Variants in UNC13B observed in about 807,000 individuals in gnomAD.
UNC13B encodes protein unc-13 homolog B.
UNC13B carries 144 observed loss-of-function variants against 211.0 expected under a neutral mutation model. The observed-to-expected ratio is 0.68, with a 90% confidence interval of 0.60 to 0.78. UNC13B has a LOEUF of 0.78. Among genes scored for constraint, UNC13B ranks in the 30% least tolerant of loss-of-function variants. The probability of loss-of-function intolerance (pLI) is 0.00; values close to 1 mark genes in which losing one functional copy is unlikely to be tolerated. For synonymous variants in UNC13B, 709 were observed against 725.8 expected (o/e 0.98, Z 0.37); for missense variants, 1,777 against 2,002.0 (o/e 0.89, Z 2.14).
intron 8 of UNC13B, among the ~76,000 whole-genome samples, chr9:35,296,571 A>C (rs897088982): frequency 6.6e-6 from 1 of 152,162 alleles, no homozygotes; most frequent in African/African-American, 2.4e-5. Flanking sequence ...TATAAAAGCA[A>C]GTACATACAT....
intron 1 of UNC13B, among the ~76,000 whole-genome samples, chr9:35,186,795 T>A (rs1461427181): frequency 1.3e-5 from 2 of 152,110 alleles, no homozygotes; most frequent in Admixed American, 6.6e-5. Context: ...ACTTTCCCCT[T>A]GTCTGGTGCC....
chr9:35,233,988 A>G (rs1825353143), intron 3 of UNC13B, among the ~76,000 whole-genome samples: 1 of 152,202 alleles, frequency 6.6e-6, no homozygotes, highest in Non-Finnish European at 1.5e-5. Context: ...TCTGAAGAGC[A>G]GATTTTCTTC....
chr9:35,231,258 T>C (rs368198779), intron 3 of UNC13B, 39 bp downstream of exon 3: 2 of 1,347,364 alleles, frequency 1.5e-6, no homozygotes, highest in African/African-American at 2.9e-5. Context: ...ACATATTTTA[T>C]AATCTTTTTA....
intron 6 of UNC13B, among the ~76,000 whole-genome samples, chr9:35,253,501 A>G (rs1302458509): frequency 6.6e-6 from 1 of 152,248 alleles, no homozygotes; most frequent in Non-Finnish European, 1.5e-5. Context: ...AAGGAAACCC[A>G]TGTGTATACC....
intron 1 of UNC13B, among the ~76,000 whole-genome samples, chr9:35,218,111 A>G (rs1824361435): frequency 6.6e-6 from 1 of 152,062 alleles, no homozygotes. Context: ...ACTTTCTATT[A>G]TATATTGTGA....
rs117271690 is a variant in UNC13B, at chr9:35,221,529, C to T, written c.23-6486C>T. Among the ~76,000 whole-genome samples, 970 of 152,226 alleles carry T rather than the reference C, an allele frequency of 6.4e-3. 9 individuals carry two copies. The highest frequency in any genetic ancestry group is 9.9e-3 in the Non-Finnish European group (676 of 68,020). ...TGCAAATTACTTTTTCTCATTCTGT[C>T]GGTTGTCTCTTCACTTTGTTGATTG... On this transcript the variant is annotated intron_variant, in intron 1 of 39. Coordinates refer to ENST00000635942, the MANE Select transcript of UNC13B (RefSeq NM_001371189.2).
At chr9:35,266,091 A>G (rs1827559915) in intron 7 of UNC13B, among the ~76,000 whole-genome samples, 1 of 152,148 alleles carries the variant, frequency 6.6e-6, no homozygotes, top group African/African-American at 2.4e-5. Flanking sequence ...GCGTTGAGCC[A>G]CCAAGCCCAG....
chr9:35,290,400 C>T (rs1040206925), intron 7 of UNC13B, among the ~76,000 whole-genome samples: 9 of 151,502 alleles, frequency 5.9e-5, no homozygotes, highest in Non-Finnish European at 1.0e-4. Flanking sequence ...TTCCTTGTCT[C>T]TGCGTTCACC....
chr9:35,228,439 A>G (rs898374165), intron 2 of UNC13B, among the ~76,000 whole-genome samples: 1 of 151,966 alleles, frequency 6.6e-6, no homozygotes, highest in African/African-American at 2.4e-5. Context: ...TGCACCCATT[A>G]ACTCGTCATT....
At chr9:35,382,938 G>GA (rs779714784) in intron 21 of UNC13B, among the ~76,000 whole-genome samples, 18 of 152,150 alleles carry the variant, frequency 1.2e-4, no homozygotes, top group Non-Finnish European at 2.4e-4. Context: ...CATTTTGATA[G>GA]ATGAATCTTG....
intron 11 of UNC13B, among the ~76,000 whole-genome samples, chr9:35,331,419 G>T (rs1367284717): frequency 4.6e-5 from 7 of 152,016 alleles, no homozygotes; most frequent in Admixed American, 3.3e-4. Context: ...GGCTAAATTT[G>T]TATTTTTAAT....
chr9:35,247,866 C>T (rs2131577897), intron 6 of UNC13B, among the ~76,000 whole-genome samples: 1 of 152,270 alleles, frequency 6.6e-6, no homozygotes, highest in East Asian at 1.9e-4. Flanking sequence ...ATGCTGGCCT[C>T]ATAAAATGAG....
intron 5 of UNC13B, among the ~76,000 whole-genome samples, chr9:35,240,126 AG>A (rs1466045258): frequency 1.3e-5 from 2 of 152,224 alleles, no homozygotes; most frequent in Non-Finnish European, 2.9e-5. Context: ...GACAGGCTTA[AG>A]AAATTATAAA....
chr9:35,174,551 CCTT>C (rs1821513740), intron 1 of UNC13B, among the ~76,000 whole-genome samples: 1 of 148,872 alleles, frequency 6.7e-6, no homozygotes, highest in Non-Finnish European at 1.5e-5. Context: ...GTCTTGAACT[CCTT>C]TTTTTTTTTT....
In UNC13B at chr9:35,375,145, A is replaced by G. The variant is rs1397244234; in HGVS notation, c.9559A>G (p.Lys3187Glu). Residue 3187 changes from lysine (K) to glutamate (E), a missense_variant, in exon 14 of 40, where the codon AAG (lysine) becomes GAG (glutamate). Lys to Glu is a moderately conservative substitution (Grantham distance 56, BLOSUM62 1). Transcript: ENST00000635942. ...CTGACAGTCACTGGTCCAGTCTCGG[A>G]AGGCAGGAATCACTTCTGCAATGGC... The part of the protein sequence containing the change: ...VSDLSLVQSR[K>E]AGITSAMATR... The G allele has an allele frequency of 1.2e-6, 2 of 1,614,180 alleles. No individual in the cohort carries two copies. The highest frequency in any genetic ancestry group is 4.5e-5 in the East Asian group (2 of 44,890).
intron 1 of UNC13B, among the ~76,000 whole-genome samples, chr9:35,209,055 C>CTTTG (rs1030271023): frequency 2.0e-5 from 3 of 151,978 alleles, no homozygotes; most frequent in Non-Finnish European, 2.9e-5. Context: ...TTCCTTTCCA[C>CTTTG]TTTGTTTGTT....
intron 1 of UNC13B, among the ~76,000 whole-genome samples, chr9:35,209,732 T>A (rs1823864132): frequency 6.6e-6 from 1 of 152,230 alleles, no homozygotes; most frequent in Non-Finnish European, 1.5e-5. Context: ...ATTGCTGCTG[T>A]TTTTCATTCC....
At position 35,361,360 on chromosome 9, in the gene UNC13B, AGTT is replaced by A. The variant is rs528424404; in HGVS notation, c.9415-5583_9415-5581del. 2.2e-3 allele frequency: 341 copies of A among 152,302 alleles called. 2 individuals carry two copies. The highest frequency in any genetic ancestry group is 7.8e-3 in the African/African-American group (324 of 41,550). 9.4% of individuals were successfully genotyped at this position (152,302 alleles called of 1,614,324 possible). On this transcript the variant is annotated intron_variant, in intron 11 of 39. Coordinates refer to ENST00000635942, the MANE Select transcript of UNC13B (RefSeq NM_001371189.2). ...AGAAAGTTTGATTCTTAAGAAAAAAAGTTGTTTTTTAATGTTTGTCCAACGGGT... is the reference window on the plus strand; with the variant it reads ...AGAAAGTTTGATTCTTAAGAAAAAAAGTTTTTTAATGTTTGTCCAACGGGT...
intron 7 of UNC13B, among the ~76,000 whole-genome samples, chr9:35,294,517 G>T (rs2131793782): frequency 6.6e-6 from 1 of 152,282 alleles, no homozygotes; most frequent in East Asian, 1.9e-4. Context: ...TGTTGGCCAG[G>T]CTGGTCTTGA....
Sources: gnomAD v4.1 joint callset for allele counts (sites outside exome capture counted in the v4.1 genomes callset) on GRCh38, gnomAD v4.1.1 for gene constraint, MANE v1.5 for transcripts, NCBI Gene and HGNC (gene_info 2026-07-23, HGNC 2026-07-21) for gene names.